The following TRPC6 variants were observed in gnomAD, a reference collection of about 807,000 sequenced individuals.
TRPC6 encodes transient receptor potential cation channel subfamily C member 6.
Under a neutral mutation model 90.7 loss-of-function variants are expected in TRPC6, and 55 were observed. The observed-to-expected ratio is 0.61, with a 90% CI of 0.49 to 0.76. The LOEUF (loss-of-function observed/expected upper bound fraction) is 0.76, where lower values mean the gene tolerates loss of function less well. Ranked by LOEUF, TRPC6 falls within the 30% of genes least tolerant of loss-of-function variation. TRPC6 has a pLI of 0.00. For synonymous variants in TRPC6, 393 were observed against 393.0 expected, an observed-to-expected ratio of 1.00 and a Z score of 0.00; for missense variants, 989 against 1,122.7, an observed-to-expected ratio of 0.88 and a Z score of 1.70.
At chr11:101,502,216 A>G (rs1210178447) in intron 2 of TRPC6, among the ~76,000 whole-genome samples, 4 of 152,180 alleles carry the variant, frequency 2.6e-5, no homozygotes, top group Non-Finnish European at 4.4e-5. Context: ...GGGACCATGA[A>G]GAATTTACAT....
At chr11:101,501,529 G>A (rs1860125165) in intron 2 of TRPC6, among the ~76,000 whole-genome samples, 1 of 152,068 alleles carries the variant, frequency 6.6e-6, no homozygotes, top group Non-Finnish European at 1.5e-5. Context: ...AACTGAGACT[G>A]GGATGCTGGG....
chr11:101,548,605 AG>A (rs11366849), intron 1 of TRPC6, among the ~76,000 whole-genome samples: 36,347 of 150,274 alleles, frequency 0.24, 4,703 homozygotes, highest in East Asian at 0.4. Context: ...AATTGACACC[AG>A]TTCTCTGTGA....
intron 1 of TRPC6, among the ~76,000 whole-genome samples, chr11:101,526,030 A>G (rs566466998): frequency 6.6e-6 from 1 of 152,342 alleles, no homozygotes; most frequent in South Asian, 2.1e-4. Context: ...TTATCACAGT[A>G]TATTTTAATT....
chr11:101,496,193 C>A (rs116774841), intron 2 of TRPC6, among the ~76,000 whole-genome samples: 125 of 152,264 alleles, frequency 8.2e-4, no homozygotes, highest in African/African-American at 2.9e-3. Flanking sequence ...TCCATCCCCA[C>A]GATGCAGTCA....
chr11:101,457,679 T>C (rs1858916306), intron 10 of TRPC6, among the ~76,000 whole-genome samples: 1 of 152,226 alleles, frequency 6.6e-6, no homozygotes, highest in African/African-American at 2.4e-5. Context: ...ATTCAGGCTC[T>C]GTCACTTGTT....
At chr11:101,503,506 GT>G (rs1860179235) in intron 2 of TRPC6, among the ~76,000 whole-genome samples, 1 of 152,130 alleles carries the variant, frequency 6.6e-6, no homozygotes, top group African/African-American at 2.4e-5. Flanking sequence ...CTACCTGGTA[GT>G]TTTGTTTATT....
intron 6 of TRPC6, among the ~76,000 whole-genome samples, chr11:101,474,999 G>A (rs891166655): frequency 5.3e-5 from 8 of 152,154 alleles, no homozygotes; most frequent in African/African-American, 1.7e-4. Flanking sequence ...CTCTTTTTGT[G>A]AGGAGGACTG....
intron 1 of TRPC6, among the ~76,000 whole-genome samples, chr11:101,563,697 A>C (rs1190343347): frequency 6.6e-6 from 1 of 152,124 alleles, no homozygotes; most frequent in Non-Finnish European, 1.5e-5. Context: ...TGGAGGGAGA[A>C]GAAAAGAGAG....
chr11:101,548,276 T>A (rs1382698248), intron 1 of TRPC6, among the ~76,000 whole-genome samples: 6,345 of 131,080 alleles, frequency 0.048, 338 homozygotes, highest in Non-Finnish European at 0.079. Flanking sequence ...TATATATAAT[T>A]TATATATATA....
intron 1 of TRPC6, among the ~76,000 whole-genome samples, chr11:101,558,460 TACACACACAC>T (rs71056630): frequency 0.18 from 8,915 of 50,466 alleles, 2,875 homozygotes; most frequent in East Asian, 0.6. Flanking sequence ...CACGCACACA[TACACACACAC>T]ACACACACAC....
chr11:101,541,175 AAAT>A (rs1194613116), intron 1 of TRPC6, among the ~76,000 whole-genome samples: 1 of 152,216 alleles, frequency 6.6e-6, no homozygotes, highest in Non-Finnish European at 1.5e-5. Flanking sequence ...TTAACCTTAG[AAAT>A]AAGTCCCTTT....
intron 1 of TRPC6, among the ~76,000 whole-genome samples, chr11:101,557,714 A>G (rs932099506): frequency 6.6e-6 from 1 of 152,174 alleles, no homozygotes; most frequent in Non-Finnish European, 1.5e-5. Flanking sequence ...ATTTCTATAC[A>G]CTAACAAAGA....
At chr11:101,457,482 T>C (rs1858910745) in intron 10 of TRPC6, among the ~76,000 whole-genome samples, 1 of 152,218 alleles carries the variant, frequency 6.6e-6, no homozygotes, top group Non-Finnish European at 1.5e-5. Context: ...TATTGCTGGA[T>C]ACAGGAACAG....
intron 9 of TRPC6, among the ~76,000 whole-genome samples, chr11:101,470,812 CCCCCCCT>C (rs1419768145): frequency 0.093 from 6,343 of 68,210 alleles, 365 homozygotes; most frequent in Middle Eastern, 0.18. Context: ...GCCCCGCCCC[CCCCCCCT>C]CCCCGAGTCA....
At chr11:101,582,466 G>A (rs751067857) in intron 1 of TRPC6, among the ~76,000 whole-genome samples, 1 of 152,102 alleles carries the variant, frequency 6.6e-6, no homozygotes, top group Non-Finnish European at 1.5e-5. Flanking sequence ...CTATCTGCCC[G>A]CTGCACATGT....
intron 5 of TRPC6, 44 bp downstream of exon 5, chr11:101,482,905 G>A: frequency 6.3e-7 from 1 of 1,592,122 alleles, no homozygotes; most frequent in South Asian, 1.1e-5. Context: ...CAGTCCAACT[G>A]CTAAGACTGC....
intron 1 of TRPC6, among the ~76,000 whole-genome samples, chr11:101,575,391 T>C (rs1262935761): frequency 6.6e-6 from 1 of 152,158 alleles, no homozygotes; most frequent in Non-Finnish European, 1.5e-5. Context: ...TAAAACAAAA[T>C]CCTTTGCTCT....
chr11:101,583,391 A>G lies in TRPC6; in HGVS notation c.113T>C (p.Leu38Pro). ...GGCTTGCGGGCAGCCGTCTTCTCCC[A>G]GCTCCGAGTCCATGAGCAGATAGTC... ...SQDYLLMDSE[L>P]GEDGCPQAPL... is the part of the protein sequence containing the mutation. The change falls in exon 1 of 13, where the codon CTG becomes CCG. Residue 38 changes from leucine to proline, a missense_variant. Transcript: ENST00000344327. The G allele has an allele frequency of 6.3e-7, 1 of 1,591,328 alleles. No homozygotes were observed. Among genetic ancestry groups the G allele is most frequent in the East Asian group, 2.3e-5 (1 of 43,418 alleles).
intron 1 of TRPC6, among the ~76,000 whole-genome samples, chr11:101,566,266 C>A (rs4754779): frequency 7.0e-4 from 106 of 152,086 alleles, no homozygotes; most frequent in African/African-American, 2.4e-3. Flanking sequence ...CTTTACTTAC[C>A]CATTCTTTTC....
Sources: gnomAD v4.1 joint callset for allele counts (sites outside exome capture counted in the v4.1 genomes callset) on GRCh38, gnomAD v4.1.1 for gene constraint, MANE v1.5 for transcripts, NCBI Gene and HGNC (gene_info 2026-07-23, HGNC 2026-07-21) for gene names.